The following PHTF1 variants were observed in gnomAD, a reference collection of about 807,000 sequenced individuals.
The protein encoded by PHTF1 is protein PHTF1.
PHTF1 carries 88 observed loss-of-function variants against 102.4 expected under a neutral mutation model. That is an observed-to-expected ratio of 0.86 (90% CI 0.72 to 1.03). The LOEUF (loss-of-function observed/expected upper bound fraction) is 1.03. Ranked by LOEUF, PHTF1 falls within the 50% of genes least tolerant of loss-of-function variation. The pLI is 0.00. For missense variants in PHTF1, 814 were observed against 909.5 expected (o/e 0.89, Z 1.35); for synonymous variants, 289 against 305.2 (o/e 0.95, Z 0.55).
intron 3 of PHTF1, among the ~76,000 whole-genome samples, chr1:113,757,293 G>A (rs1659034618): frequency 1.3e-5 from 2 of 152,178 alleles, no homozygotes; most frequent in African/African-American, 4.8e-5. Flanking sequence ...AGGAGGAGGA[G>A]GAAGAGAAGG....
At chr1:113,700,678 C>CT in intron 16 of PHTF1, 116 bp downstream of exon 16, 1 of 886,506 alleles carries the variant, frequency 1.1e-6, no homozygotes, top group Non-Finnish European at 1.7e-6. Flanking sequence ...TTGTGAGGTC[C>CT]TGTAGCTAGA....
intron 7 of PHTF1, among the ~76,000 whole-genome samples, chr1:113,720,906 C>A (rs186311182): frequency 5.3e-5 from 8 of 152,296 alleles, no homozygotes; most frequent in African/African-American, 1.9e-4. Context: ...GTTCTCAAAT[C>A]TCAATACTTG....
intron 3 of PHTF1, among the ~76,000 whole-genome samples, chr1:113,745,874 T>C (rs973453613): frequency 5.9e-5 from 9 of 152,190 alleles, no homozygotes; most frequent in African/African-American, 2.2e-4. Context: ...TCATTATATA[T>C]TATAAGGTAA....
chr1:113,724,877 C>T lies in PHTF1; in HGVS notation c.505G>A (p.Val169Ile), dbSNP rs1020848675. 6.9e-6 allele frequency: 11 copies of T among 1,596,958 alleles called. No homozygotes were observed. The East Asian group carries it at 9.0e-5, about 13-fold the overall frequency. Residue 169 changes from valine (V) to isoleucine (I), a missense_variant, in exon 7 of 19, where the codon GTA becomes ATA. Transcript: ENST00000369604. ...NRRRRKLRKTVNGDGSRENGN... is the reference protein window; with the variant it reads ...NRRRRKLRKTINGDGSRENGN... ...TTTTCTCGGCTCCCATCACCATTTA[C>T]AGTTTTTCGTAATTTTCTACAAAAA...
At position 113,699,289 on chromosome 1, in the gene PHTF1, AGC is replaced by A; in HGVS notation, c.2142+413_2142+414del. ...GTCTCCTCACACAGGGAGGATAAAG[AGC>A]TTGACCATGATTATAGCCCCATGGA... On this transcript the variant is annotated intron_variant, in intron 17 of 18. Coordinates refer to ENST00000369604, the MANE Select transcript of PHTF1 (RefSeq NM_001323043.2). 1.1e-5 allele frequency: 3 copies of A among 267,542 alleles called. No homozygotes were observed. In the South Asian group the frequency reaches 1.2e-4, roughly 10 times the overall value. The allele number at this position is 267,542 out of a possible 1,614,324, so 16.6% of individuals were successfully genotyped here.
chr1:113,707,603 C>A (rs1259746307), intron 11 of PHTF1, among the ~76,000 whole-genome samples: 1 of 152,162 alleles, frequency 6.6e-6, no homozygotes, highest in Non-Finnish European at 1.5e-5. Flanking sequence ...CATATTTTTT[C>A]TCTTCTACCA....
Position 113,726,428 on chromosome 1 carries a change from G to A in PHTF1, c.478C>T (p.Arg160Ter), listed in dbSNP as rs1249659069. The A allele has an allele frequency of 1.0e-5, 16 of 1,605,302 alleles. No individual in the cohort carries two copies. The highest frequency in any genetic ancestry group is 1.3e-5 in the African/African-American group (1 of 74,546). The change falls in exon 6 of 19, where the codon CGA becomes TGA. Residue 160 changes from arginine to a stop codon, truncating the protein, a stop_gained. Coordinates refer to ENST00000369604, the MANE Select transcript of PHTF1 (RefSeq NM_001323043.2). LOFTEE classifies it high-confidence loss of function. ...ITRPSGNNGNRRRRKLRKTVN... is the reference protein window; with the variant it reads ...ITRPSGNNGN Reference sequence around the variant, plus strand: ...AATTTCTCATCTTACCTTCTTCTTCGATTTCCATTGTTTCCTGATGGTCTT... The same window carrying A: ...AATTTCTCATCTTACCTTCTTCTTCAATTTCCATTGTTTCCTGATGGTCTT...
In PHTF1 at chr1:113,706,589, C is replaced by T. The variant is rs200124195; in HGVS notation, c.1398+5G>A. ...TGAAAAATCTGAAAACATATTCAGT[C>T]TTACCCTGCTCATGATGATGCCACT... On this transcript the variant is annotated splice_donor_5th_base_variant and intron_variant, in intron 12 of 18. Coordinates refer to ENST00000369604, the MANE Select transcript of PHTF1 (RefSeq NM_001323043.2). 144 of 1,600,824 alleles carry T rather than the reference C, an allele frequency of 9.0e-5. No individual in the cohort carries two copies. The highest frequency in any genetic ancestry group is 7.7e-4 in the Admixed American group (43 of 56,108).
chr1:113,738,188 GAA>G lies in PHTF1; in HGVS notation c.251_252del (p.Phe84SerfsTer43). The G allele has an allele frequency of 1.9e-6, 3 of 1,613,418 alleles. No individual in the cohort carries two copies. The highest frequency in any genetic ancestry group is 2.5e-6 in the Non-Finnish European group (3 of 1,179,344). On this transcript the variant is annotated frameshift_variant, in exon 5 of 19. Transcript: ENST00000369604. LOFTEE classifies it high-confidence loss of function. Reference sequence around the variant, plus strand: ...TGAATCCACCAATTGCTGAACAATGGAAAAAATACAACTCGAACAAGCCCCTT... The same window carrying G: ...TGAATCCACCAATTGCTGAACAATGGAAAATACAACTCGAACAAGCCCCTT... ...TRKGLVRVVFFPLFSNWWIQV... is the reference protein window; with the variant it reads ...TRKGLVRVVFXPLFSNWWIQV...
chr1:113,751,909 G>A (rs1410193351), intron 3 of PHTF1, among the ~76,000 whole-genome samples: 1 of 152,084 alleles, frequency 6.6e-6, no homozygotes. Flanking sequence ...TTTTAATTTT[G>A]TTCTAACAGA....
At chr1:113,743,911 TTTCATTCTCATTCCAAA>T (rs1352353421) in intron 3 of PHTF1, among the ~76,000 whole-genome samples, 3 of 152,226 alleles carry the variant, frequency 2.0e-5, no homozygotes, top group African/African-American at 7.2e-5. Context: ...ATTCCAACCC[TTTCATTCTCATTCCAAA>T]GTCTGTGCTC....
intron 3 of PHTF1, among the ~76,000 whole-genome samples, chr1:113,751,696 G>T (rs899782200): frequency 6.6e-6 from 1 of 152,164 alleles, no homozygotes; most frequent in African/African-American, 2.4e-5. Flanking sequence ...ACTTCTCTTG[G>T]ATAGAAAATG....
At chr1:113,721,501 T>C (rs1652931497) in intron 7 of PHTF1, among the ~76,000 whole-genome samples, 1 of 152,184 alleles carries the variant, frequency 6.6e-6, no homozygotes, top group African/African-American at 2.4e-5. Context: ...CTAGAAGTCC[T>C]AGCTAGAGCA....
intron 10 of PHTF1, 146 bp from the exon 11 acceptor site, chr1:113,710,621 A>G (rs1312992318): frequency 1.6e-6 from 1 of 636,260 alleles, no homozygotes; most frequent in Non-Finnish European, 2.7e-6. Flanking sequence ...ACAGGGCTTC[A>G]CGTAACAATA....
chr1:113,757,953 T>G (rs576695113), intron 2 of PHTF1, among the ~76,000 whole-genome samples, 198 bp from the exon 3 acceptor site: 1 of 152,248 alleles, frequency 6.6e-6, no homozygotes, highest in South Asian at 2.1e-4. Context: ...TAAAAGTAAG[T>G]TCAAAAGCAA....
intron 1 of PHTF1, 90 bp from the exon 2 acceptor site, chr1:113,758,823 C>T (rs1417374767): frequency 6.8e-7 from 1 of 1,463,588 alleles, no homozygotes; most frequent in East Asian, 2.7e-5. Context: ...TTCTCTCAGC[C>T]TCTCCATGAG....
chr1:113,710,205 C>T (rs1257092583), intron 11 of PHTF1, 49 bp downstream of exon 11: 2 of 1,328,032 alleles, frequency 1.5e-6, no homozygotes, highest in Middle Eastern at 5.1e-4. Flanking sequence ...GCCTGACACA[C>T]AGTAAGAACA....
chr1:113,746,772 G>T, intron 3 of PHTF1: 1 of 498,278 alleles, frequency 2.0e-6, no homozygotes, highest in African/African-American at 2.1e-5. Flanking sequence ...GAAAAATGTT[G>T]TAAAATTAAA....
At chr1:113,733,196 C>T (rs1325822485) in intron 5 of PHTF1, among the ~76,000 whole-genome samples, 1 of 151,082 alleles carries the variant, frequency 6.6e-6, no homozygotes, top group African/African-American at 2.4e-5. Context: ...GCCACTGCCC[C>T]CCACCTAGAT....
Sources: allele counts gnomAD v4.1 joint callset (sites outside exome capture counted in the v4.1 genomes callset), GRCh38; gene constraint gnomAD v4.1.1; transcripts MANE v1.5; gene names NCBI Gene and HGNC (gene_info 2026-07-23, HGNC 2026-07-21).